Variants in SLC25A26 observed in about 807,000 individuals in gnomAD.
The protein encoded by SLC25A26 is mitochondrial S-adenosylmethionine carrier protein.
A neutral mutation model predicts 37.8 loss-of-function variants in SLC25A26; 36 were observed. The observed-to-expected ratio is 0.95, with a 90% CI of 0.73 to 1.26. The LOEUF (loss-of-function observed/expected upper bound fraction) is 1.26, where lower values mean the gene tolerates loss of function less well. SLC25A26 is among the 50% of genes most tolerant of loss of function. SLC25A26 has a pLI of 0.00. For missense variants in SLC25A26, 390 were observed against 331.1 expected, an observed-to-expected ratio of 1.18 and a Z score of -1.38; for synonymous variants, 129 against 122.5, an observed-to-expected ratio of 1.05 and a Z score of -0.35.
chr3:66,291,751 T>C (rs1428480836), intron 5 of SLC25A26, among the ~76,000 whole-genome samples: 1 of 152,210 alleles, frequency 6.6e-6, no homozygotes, highest in Admixed American at 6.5e-5. Context: ...AAGTGCGATG[T>C]GTTGCTCAGA....
chr3:66,269,879 G>C (rs1318151667), intron 5 of SLC25A26, among the ~76,000 whole-genome samples: 1 of 152,128 alleles, frequency 6.6e-6, no homozygotes, highest in African/African-American at 2.4e-5. Context: ...TATCTTTCCA[G>C]ATAGCGTGTA....
intron 5 of SLC25A26, among the ~76,000 whole-genome samples, chr3:66,315,712 T>A (rs1266134832): frequency 1.3e-5 from 2 of 152,144 alleles, no homozygotes; most frequent in Non-Finnish European, 2.9e-5. Context: ...GATAGTAGGG[T>A]ATTAAAGTCT....
At chr3:66,339,439 A>AAGTGGT in intron 5 of SLC25A26, among the ~76,000 whole-genome samples, 1 of 151,964 alleles carries the variant, frequency 6.6e-6, no homozygotes, top group Non-Finnish European at 1.5e-5. Context: ...AATTTTTTTG[A>AAGTGGT]AGAAGAGCCA....
chr3:66,145,453 T>A (rs960585599), intron 1 of SLC25A26, among the ~76,000 whole-genome samples: 1 of 152,258 alleles, frequency 6.6e-6, no homozygotes, highest in Non-Finnish European at 1.5e-5. Context: ...GCATTTGTGA[T>A]TGGTTTCAGC....
chr3:66,162,370 C>G (rs1046923024), intron 1 of SLC25A26, among the ~76,000 whole-genome samples: 2,033 of 51,844 alleles, frequency 0.039, no homozygotes, highest in Admixed American at 0.077. Flanking sequence ...TGTGGTTGGG[C>G]GGGGGAGGGG....
intron 5 of SLC25A26, among the ~76,000 whole-genome samples, chr3:66,298,892 A>G (rs889757117): frequency 2.0e-5 from 3 of 152,224 alleles, no homozygotes; most frequent in Non-Finnish European, 2.9e-5. Flanking sequence ...CATGAAAAAC[A>G]GTCTTTTCCC....
intron 5 of SLC25A26, among the ~76,000 whole-genome samples, chr3:66,325,577 G>C (rs947252182): frequency 2.0e-5 from 3 of 152,184 alleles, no homozygotes; most frequent in Non-Finnish European, 4.4e-5. Flanking sequence ...ATTTTCCTGA[G>C]GGTATGCTGT....
intron 3 of SLC25A26, among the ~76,000 whole-genome samples, chr3:66,253,575 C>G (rs566280969): frequency 1.3e-5 from 2 of 152,080 alleles, no homozygotes; most frequent in South Asian, 4.1e-4. Flanking sequence ...CAGGGGAGCC[C>G]TAGAAAGCAG....
At chr3:66,339,768 C>CA (rs921279089) in intron 5 of SLC25A26, among the ~76,000 whole-genome samples, 30 of 152,166 alleles carry the variant, frequency 2.0e-4, no homozygotes, top group African/African-American at 6.7e-4. Flanking sequence ...AACCCCTTAT[C>CA]AGATACATGA....
At chr3:66,224,233 G>A (rs782763270) in intron 1 of SLC25A26, among the ~76,000 whole-genome samples, 5 of 152,152 alleles carry the variant, frequency 3.3e-5, no homozygotes, top group African/African-American at 4.8e-5. Context: ...GGATTACATC[G>A]TGTTAGTCTG....
At chr3:66,190,774 G>A (rs1396932147) in intron 1 of SLC25A26, among the ~76,000 whole-genome samples, 2 of 152,186 alleles carry the variant, frequency 1.3e-5, no homozygotes, top group African/African-American at 4.8e-5. Context: ...TTTAATGCTA[G>A]TCTGTTCACA....
At chr3:66,377,033 A>G (rs534568858) in intron 9 of SLC25A26, among the ~76,000 whole-genome samples, 4 of 152,310 alleles carry the variant, frequency 2.6e-5, no homozygotes, top group African/African-American at 9.6e-5. Context: ...AAAATTTTTG[A>G]ACAAATATCT....
intron 3 of SLC25A26, among the ~76,000 whole-genome samples, chr3:66,251,661 A>G (rs1401720835): frequency 6.6e-6 from 1 of 152,128 alleles, no homozygotes; most frequent in African/African-American, 2.4e-5. Context: ...CCTTGCTTGT[A>G]GTTATTCATC....
intron 3 of SLC25A26, among the ~76,000 whole-genome samples, chr3:66,246,623 C>T (rs2072854658): frequency 6.6e-6 from 1 of 152,098 alleles, no homozygotes; most frequent in Admixed American, 6.5e-5. Context: ...AATTAGGAAA[C>T]AAGTATCCAT....
intron 5 of SLC25A26, among the ~76,000 whole-genome samples, chr3:66,315,671 T>C (rs1293249810): frequency 6.6e-6 from 1 of 152,144 alleles, no homozygotes; most frequent in Non-Finnish European, 1.5e-5. Context: ...TGAATATCTT[T>C]GTTAATTTTC....
chr3:66,229,710 T>TA (rs782377906), intron 1 of SLC25A26, among the ~76,000 whole-genome samples: 10 of 152,206 alleles, frequency 6.6e-5, no homozygotes, highest in Non-Finnish European at 1.0e-4. Flanking sequence ...AACAGACTAA[T>TA]ACAAAGACCA....
chr3:66,361,762 G>T (rs1460925542), intron 6 of SLC25A26, among the ~76,000 whole-genome samples: 1 of 152,054 alleles, frequency 6.6e-6, no homozygotes, highest in Non-Finnish European at 1.5e-5. Flanking sequence ...TCAGGAGTTC[G>T]ACACCAGCCT....
intron 6 of SLC25A26, among the ~76,000 whole-genome samples, chr3:66,359,787 G>A (rs1184419420): frequency 6.6e-6 from 1 of 152,198 alleles, no homozygotes; most frequent in Non-Finnish European, 1.5e-5. Flanking sequence ...AAACATTAGA[G>A]CATTTTCTGA....
intron 5 of SLC25A26, among the ~76,000 whole-genome samples, chr3:66,343,137 C>G (rs745505771): frequency 1.4e-4 from 21 of 152,328 alleles, no homozygotes; most frequent in Non-Finnish European, 2.4e-4. Flanking sequence ...GGGGAGGGAG[C>G]TAGCTTTCTG....
Sources: gnomAD v4.1 joint callset for allele counts (sites outside exome capture counted in the v4.1 genomes callset) on GRCh38, gnomAD v4.1.1 for gene constraint, MANE v1.5 for transcripts, NCBI Gene and HGNC (gene_info 2026-07-23, HGNC 2026-07-21) for gene names.